RBFOX1: variants seen among roughly 807,000 people sequenced by gnomAD.
The protein encoded by RBFOX1 is RNA binding protein fox-1 homolog 1.
RBFOX1 carries 8 observed loss-of-function variants against 57.7 expected under a neutral mutation model. The observed-to-expected ratio is 0.14, with a 90% CI of 0.08 to 0.25. The LOEUF is 0.25. Among genes scored for constraint, RBFOX1 ranks in the 10% least tolerant of loss-of-function variants. RBFOX1 has a pLI of 1.00. For synonymous variants in RBFOX1, 326 were observed against 222.4 expected (o/e 1.47, Z -4.15); for missense variants, 611 against 548.5 (o/e 1.11, Z -1.14).
chr16:5,416,733 T>C (rs999207743), intron 1 of RBFOX1, among the ~76,000 whole-genome samples: 9 of 152,166 alleles, frequency 5.9e-5, no homozygotes, highest in African/African-American at 1.9e-4. Flanking sequence ...TCTCCTCTTT[T>C]GGGGCCAGAG....
intron 1 of RBFOX1, among the ~76,000 whole-genome samples, chr16:6,143,281 C>A (rs2096732873): frequency 6.6e-6 from 1 of 152,196 alleles, no homozygotes; most frequent in Non-Finnish European, 1.5e-5. Flanking sequence ...GTTTTCTGTA[C>A]ATGATGTTTT....
At chr16:6,620,076 A>T (rs544600048) in intron 2 of RBFOX1, among the ~76,000 whole-genome samples, 1 of 152,214 alleles carries the variant, frequency 6.6e-6, no homozygotes, top group Non-Finnish European at 1.5e-5. Context: ...TCCATGGTGC[A>T]TATGGACCAC....
intron 1 of RBFOX1, among the ~76,000 whole-genome samples, chr16:6,106,178 C>T (rs551569554): frequency 5.3e-5 from 8 of 152,122 alleles, no homozygotes; most frequent in African/African-American, 9.6e-5. Context: ...TAGTTTTGGC[C>T]GGGCCCAGTA....
intron 4 of RBFOX1, among the ~76,000 whole-genome samples, chr16:7,149,585 A>G (rs2075729821): frequency 6.6e-6 from 1 of 151,122 alleles, no homozygotes; most frequent in African/African-American, 2.4e-5. Flanking sequence ...TCCCAGGCTC[A>G]AAAGATCCTC....
At chr16:5,811,740 C>A (rs996266679) in intron 3 of RBFOX1, among the ~76,000 whole-genome samples, 2 of 152,210 alleles carry the variant, frequency 1.3e-5, no homozygotes, top group African/African-American at 4.8e-5. Context: ...TGAGCCACCA[C>A]ACTAGGCCAG....
chr16:6,866,765 A>G (rs1459171987), intron 3 of RBFOX1, among the ~76,000 whole-genome samples: 2 of 151,802 alleles, frequency 1.3e-5, no homozygotes, highest in Admixed American at 1.3e-4. Flanking sequence ...GATGGTCTCG[A>G]TCTCCTGACC....
At chr16:7,621,488 C>G (rs960057243) in intron 10 of RBFOX1, among the ~76,000 whole-genome samples, 1 of 152,056 alleles carries the variant, frequency 6.6e-6, no homozygotes, top group Non-Finnish European at 1.5e-5. Flanking sequence ...TCTTGAACTC[C>G]TGGCCTCAAG....
At chr16:5,488,761 G>T (rs1256305155) in intron 2 of RBFOX1, among the ~76,000 whole-genome samples, 1 of 150,576 alleles carries the variant, frequency 6.6e-6, no homozygotes, top group African/African-American at 2.5e-5. Flanking sequence ...AGTGATGATG[G>T]TGATGATGAT....
intron 3 of RBFOX1, among the ~76,000 whole-genome samples, chr16:5,756,816 A>G (rs1440412137): frequency 6.6e-6 from 1 of 152,184 alleles, no homozygotes; most frequent in Non-Finnish European, 1.5e-5. Context: ...GGAAAGGTGG[A>G]CTTCTCAATA....
At chr16:7,671,660 C>A in intron 13 of RBFOX1, 1 of 1,441,358 alleles carries the variant, frequency 6.9e-7, no homozygotes, top group South Asian at 1.1e-5. Context: ...CTGTGAAATC[C>A]TTACTAACAA....
At chr16:6,790,077 TA>T in intron 3 of RBFOX1, among the ~76,000 whole-genome samples, 1 of 133,266 alleles carries the variant, frequency 7.5e-6, no homozygotes, top group Non-Finnish European at 1.8e-5. Context: ...AACTTATTTA[TA>T]TTTTTCTATT....
intron 12 of RBFOX1, among the ~76,000 whole-genome samples, chr16:7,658,351 A>G (rs1449495076): frequency 6.6e-6 from 1 of 152,170 alleles, no homozygotes; most frequent in Non-Finnish European, 1.5e-5. Flanking sequence ...TTGCTTATGG[A>G]ATATGTAGAT....
chr16:5,588,699 C>T (rs967686238), intron 2 of RBFOX1, among the ~76,000 whole-genome samples: 1 of 152,150 alleles, frequency 6.6e-6, no homozygotes, highest in Non-Finnish European at 1.5e-5. Context: ...GAGGCATGAA[C>T]CACTTTATAT....
At chr16:6,296,019 C>G (rs769666230) in intron 1 of RBFOX1, among the ~76,000 whole-genome samples, 1 of 152,236 alleles carries the variant, frequency 6.6e-6, no homozygotes, top group Non-Finnish European at 1.5e-5. Context: ...AATCATCAAA[C>G]AACGTCTCCC....
intron 5 of RBFOX1, among the ~76,000 whole-genome samples, chr16:7,555,867 G>A (rs2088257904): frequency 6.6e-6 from 1 of 152,142 alleles, no homozygotes; most frequent in East Asian, 1.9e-4. Context: ...TGGTGCCTAT[G>A]CTTCCAACAT....
At chr16:7,112,141 C>A (rs187049895) in intron 4 of RBFOX1, among the ~76,000 whole-genome samples, 85 of 152,218 alleles carry the variant, frequency 5.6e-4, no homozygotes, top group African/African-American at 1.8e-3. Context: ...TATTAAAGTT[C>A]CTGATGAGAA....
exon 3 of RBFOX1, chr16:5,599,236 A>G: frequency 1.5e-6 from 1 of 685,944 alleles, no homozygotes; most frequent in African/African-American, 1.8e-5. Flanking sequence ...GATCCGGGGC[A>G]CAGTGGTTGG....
chr16:5,583,520 G>A (rs1323898073), intron 2 of RBFOX1, among the ~76,000 whole-genome samples: 7 of 152,240 alleles, frequency 4.6e-5, no homozygotes, highest in South Asian at 4.2e-4. Flanking sequence ...TGTTCTGACC[G>A]CGAGGCAATC....
At chr16:7,119,797 A>T (rs765791262) in intron 4 of RBFOX1, among the ~76,000 whole-genome samples, 1 of 152,134 alleles carries the variant, frequency 6.6e-6, no homozygotes, top group Admixed American at 6.6e-5. Context: ...TAAAATTAAT[A>T]TTGAGAAAAT....
Sources: allele counts gnomAD v4.1 joint callset (sites outside exome capture counted in the v4.1 genomes callset), GRCh38; gene constraint gnomAD v4.1.1; transcripts MANE v1.5; gene names NCBI Gene and HGNC (gene_info 2026-07-23, HGNC 2026-07-21).